XXYLT1: variants seen among roughly 807,000 people sequenced by gnomAD.
XXYLT1 encodes UDP-xylose:alpha-xyloside alpha-1,3-xylosyltransferase.
A neutral mutation model predicts 28.9 loss-of-function variants in XXYLT1; 20 were observed. That is an observed-to-expected ratio of 0.69 (90% confidence interval 0.49 to 1.00). The LOEUF (loss-of-function observed/expected upper bound fraction) is 1.00, where lower values mean the gene tolerates loss of function less well. Among genes scored for constraint, XXYLT1 ranks in the 50% least tolerant of loss-of-function variants. XXYLT1 has a pLI of 0.00. For synonymous variants in XXYLT1, 257 were observed against 253.8 expected (o/e 1.01, Z -0.12); for missense variants, 542 against 560.1 (o/e 0.97, Z 0.33).
At position 195,193,561 on chromosome 3, in the gene XXYLT1, T is replaced by C. The variant is rs1722508912; in HGVS notation, c.652+33148A>G. 1.3e-5 allele frequency among the ~76,000 whole-genome samples: 2 copies of C among 152,072 alleles called. 1 individual carries two copies. The highest frequency in any genetic ancestry group is 1.3e-4 in the Admixed American group (2 of 15,260). ...ATTGATCCTAAAATGTATATGGAAA[T>C]GCAAAAACTTAAAAAAGCCAAAACA... On this transcript the variant is annotated intron_variant, in intron 2 of 3. Coordinates refer to ENST00000310380, the MANE Select transcript of XXYLT1 (RefSeq NM_152531.5).
intron 2 of XXYLT1, among the ~76,000 whole-genome samples, chr3:195,219,366 C>T (rs1577161530): frequency 1.3e-5 from 2 of 152,254 alleles, no homozygotes; most frequent in Admixed American, 1.3e-4. Flanking sequence ...AATGAAAACT[C>T]AATATGGCTT....
rs768709233 is a variant in XXYLT1 at position 195,255,491 on chromosome 3, C to T, written c.504+15064G>A. On this transcript the variant is annotated intron_variant, in intron 1 of 3. Coordinates refer to ENST00000310380, the MANE Select transcript of XXYLT1 (RefSeq NM_152531.5). This position sits in a 1 kb window ranked among gnomAD's most constrained non-coding sequence, Gnocchi z 4.5. ...CTGCAAAGCTTCCTTCTGGAGCAGC[C>T]GATCAGTGGACGTGGAGCAAAGCCT... Among the ~76,000 whole-genome samples, 1 of 149,632 alleles carries T rather than the reference C, an allele frequency of 6.7e-6. No homozygotes were observed. The highest frequency in any genetic ancestry group is 6.6e-5 in the Admixed American group (1 of 15,124).
rs1295762460 is a variant in XXYLT1 at position 195,078,352 on chromosome 3, C to CCCT, written c.786-8242_786-8241insAGG. ...GGCCACCTGTCCCTCACACTGACAGCCGAGAGGCCCGTAGCGAGTCAGGCC... is the reference window on the plus strand; with the variant it reads ...GGCCACCTGTCCCTCACACTGACAGCCCTCGAGAGGCCCGTAGCGAGTCAGGCC... On this transcript the variant is annotated intron_variant, in intron 3 of 3. Coordinates refer to ENST00000310380, the MANE Select transcript of XXYLT1 (RefSeq NM_152531.5). The surrounding 1 kb of genome is among the most constrained non-coding windows in gnomAD (Gnocchi z 5.0). 6.6e-6 allele frequency among the ~76,000 whole-genome samples: 1 copy of CCCT among 152,092 alleles called. No individual in the cohort carries two copies. Among genetic ancestry groups the CCCT allele is most frequent in the Non-Finnish European group, 1.5e-5 (1 of 68,014 alleles).
At chr3:195,201,955 G>A (rs1157368781) in intron 2 of XXYLT1, among the ~76,000 whole-genome samples, 1 of 152,152 alleles carries the variant, frequency 6.6e-6, no homozygotes, top group Non-Finnish European at 1.5e-5. Flanking sequence ...AAGGTGGGCG[G>A]ATCATGAGGT....
At chr3:195,220,387 G>A (rs1428162090) in intron 2 of XXYLT1, among the ~76,000 whole-genome samples, 7 of 152,072 alleles carry the variant, frequency 4.6e-5, no homozygotes, top group African/African-American at 7.2e-5. Flanking sequence ...CAGATGATCC[G>A]CCCGCCTCGG....
intron 3 of XXYLT1, among the ~76,000 whole-genome samples, chr3:195,122,654 A>G (rs1718424022): frequency 6.6e-6 from 1 of 152,248 alleles, no homozygotes; most frequent in South Asian, 2.1e-4. Flanking sequence ...TGCCAGCCCC[A>G]GCACCACAAA....
chr3:195,139,841 C>T (rs926439276), intron 3 of XXYLT1, among the ~76,000 whole-genome samples: 4 of 152,192 alleles, frequency 2.6e-5, no homozygotes, highest in Non-Finnish European at 5.9e-5. Context: ...CTGGGCTTGG[C>T]TGTATTCACC....
At chr3:195,183,254 T>C (rs1217145930) in intron 2 of XXYLT1, among the ~76,000 whole-genome samples, 3 of 152,070 alleles carry the variant, frequency 2.0e-5, no homozygotes, top group Non-Finnish European at 2.9e-5. Flanking sequence ...TGGTAAGAAG[T>C]GATTGGATCA....
At chr3:195,088,521 T>C (rs1316667202) in intron 3 of XXYLT1, among the ~76,000 whole-genome samples, 1 of 128,502 alleles carries the variant, frequency 7.8e-6, no homozygotes, top group African/African-American at 2.9e-5. Context: ...CAAAAACCCA[T>C]CTGTACATCA....
At chr3:195,106,255 G>A (rs936334327) in intron 3 of XXYLT1, among the ~76,000 whole-genome samples, 1 of 151,820 alleles carries the variant, frequency 6.6e-6, no homozygotes, top group African/African-American at 2.4e-5. Context: ...GTGCTGTGTC[G>A]TTTTTGATGG....
At chr3:195,137,803 G>A (rs763459210) in intron 3 of XXYLT1, among the ~76,000 whole-genome samples, 9 of 152,188 alleles carry the variant, frequency 5.9e-5, no homozygotes, top group Non-Finnish European at 1.0e-4. Context: ...TACTTACTGA[G>A]TACCCTTAAG....
intron 2 of XXYLT1, among the ~76,000 whole-genome samples, chr3:195,213,111 G>A (rs1025897532): frequency 6.6e-6 from 1 of 152,188 alleles, no homozygotes; most frequent in African/African-American, 2.4e-5. Context: ...CACACCCAAC[G>A]ACATGCTCTA....
intron 3 of XXYLT1, among the ~76,000 whole-genome samples, chr3:195,099,422 G>A (rs968859626): frequency 6.6e-6 from 1 of 152,078 alleles, no homozygotes; most frequent in African/African-American, 2.4e-5. Context: ...TGTGCTGTCA[G>A]CCTGGACGCA....
At chr3:195,130,727 G>A (rs1249496780) in intron 3 of XXYLT1, among the ~76,000 whole-genome samples, 1 of 152,184 alleles carries the variant, frequency 6.6e-6, no homozygotes, top group African/African-American at 2.4e-5. Context: ...GAGGGGCTGG[G>A]CTCAAGTCAG....
chr3:195,083,389 A>C (rs1715547957), intron 3 of XXYLT1, among the ~76,000 whole-genome samples: 1 of 152,072 alleles, frequency 6.6e-6, no homozygotes, highest in African/African-American at 2.4e-5. Context: ...AATAAAACGA[A>C]CTTAATTCTT....
rs1334001762 is a variant in XXYLT1 at position 195,271,095 on chromosome 3, G to A, written c.-37C>T. The A allele has an allele frequency of 1.5e-6, 2 of 1,305,278 alleles. No homozygotes were observed. Among genetic ancestry groups the A allele is most frequent in the African/African-American group, 1.6e-5 (1 of 64,350 alleles). 80.9% of individuals were successfully genotyped at this position (1,305,278 alleles called of 1,614,324 possible). The stretch of plus-strand genomic sequence containing the variant: ...CCGCGGCGCCAGCGGTGCCAGCAAC[G>A]CGGGAGAGCCCTCGGGTACCCGGAC... On this transcript the variant is annotated 5_prime_UTR_variant, in exon 1 of 4. Transcript: ENST00000310380.
rs111856697 is a variant in XXYLT1, at chr3:195,180,710, G to A, written c.653-24129C>T. Among the ~76,000 whole-genome samples, 2,413 of 152,164 alleles carry A rather than the reference G, an allele frequency of 0.016. 41 individuals carry two copies. Among genetic ancestry groups the A allele is most frequent in the South Asian group, 0.056 (272 of 4,818 alleles). ...CAGCTCTGGACACACACAAGCAGAC[G>A]GGAAAGGCGCCTGCCCACTGCCCCC... On this transcript the variant is annotated intron_variant, in intron 2 of 3. Transcript: ENST00000310380. The surrounding 1 kb of genome is among the most constrained non-coding windows in gnomAD (Gnocchi z 5.8).
intron 3 of XXYLT1, among the ~76,000 whole-genome samples, chr3:195,088,590 A>G (rs1715941934): frequency 1.7e-5 from 2 of 118,842 alleles, no homozygotes; most frequent in South Asian, 7.0e-4. Context: ...ACAGAACAGA[A>G]AAACTGGAAA....
intron 2 of XXYLT1, among the ~76,000 whole-genome samples, chr3:195,204,476 A>ACTCT (rs61196221): frequency 0.013 from 1,664 of 125,940 alleles, 43 homozygotes; most frequent in African/African-American, 0.04. Context: ...TCACTCTCTC[A>ACTCT]CTCTCTCTCT....
Sources: gnomAD v4.1 joint callset for allele counts (sites outside exome capture counted in the v4.1 genomes callset) on GRCh38, gnomAD v4.1.1 for gene constraint, Gnocchi (gnomAD v3.1) non-coding constraint, MANE v1.5 for transcripts, NCBI Gene and HGNC (gene_info 2026-07-23, HGNC 2026-07-21) for gene names.